Variants in MICOS10 observed in about 807,000 individuals in gnomAD.
The protein encoded by MICOS10 is MICOS complex subunit MIC10.
In MICOS10, 5 loss-of-function variants were observed where a neutral mutation model predicts 13.4. The observed-to-expected ratio is 0.37, with a 90% confidence interval of 0.20 to 0.78. The LOEUF is 0.78. Among genes scored for constraint, MICOS10 ranks in the 30% least tolerant of loss-of-function variants. MICOS10 has a pLI of 0.47. For synonymous variants in MICOS10, 35 were observed against 33.6 expected (o/e 1.04, Z -0.15); for missense variants, 101 against 94.6 (o/e 1.07, Z -0.28).
At chr1:19,605,115 G>A (rs1412478178) in intron 1 of MICOS10, among the ~76,000 whole-genome samples, 1 of 152,170 alleles carries the variant, frequency 6.6e-6, no homozygotes, top group African/African-American at 2.4e-5. Flanking sequence ...TGCAAGGGTA[G>A]GAAGGTGAAC....
chr1:19,615,008 A>T (rs763822185), intron 1 of MICOS10, among the ~76,000 whole-genome samples: 2 of 152,108 alleles, frequency 1.3e-5, no homozygotes, highest in Non-Finnish European at 2.9e-5. Context: ...CTCAGGTGCC[A>T]CCTTCTTGAA....
At chr1:19,599,868 C>A (rs1366301683) in intron 1 of MICOS10, among the ~76,000 whole-genome samples, 1 of 152,076 alleles carries the variant, frequency 6.6e-6, no homozygotes, top group Non-Finnish European at 1.5e-5. Context: ...TGCCTGTTGA[C>A]TTTTTCACAT....
intron 1 of MICOS10, 51 bp downstream of exon 1, chr1:19,597,160 C>G: frequency 6.4e-7 from 1 of 1,551,468 alleles, no homozygotes; most frequent in Non-Finnish European, 8.8e-7. Context: ...GCTGCTGGCT[C>G]CAGGCTGCGC....
intron 1 of MICOS10, among the ~76,000 whole-genome samples, chr1:19,607,301 A>G (rs1015980341): frequency 6.6e-6 from 1 of 152,250 alleles, no homozygotes; most frequent in South Asian, 2.1e-4. Flanking sequence ...ATTAGGCGCT[A>G]TGTGGAACTT....
At chr1:19,601,988 T>A (rs1253239999) in intron 1 of MICOS10, among the ~76,000 whole-genome samples, 1 of 152,260 alleles carries the variant, frequency 6.6e-6, no homozygotes, top group East Asian at 1.9e-4. Context: ...TCTTTTTTCC[T>A]TAGTAACCCT....
At chr1:19,597,423 C>T (rs2094796547) in intron 1 of MICOS10, among the ~76,000 whole-genome samples, 1 of 152,040 alleles carries the variant, frequency 6.6e-6, no homozygotes, top group Non-Finnish European at 1.5e-5. Context: ...ACCCTCGTGC[C>T]GGAGCCGCGG....
intron 1 of MICOS10, chr1:19,608,248 G>A (rs879103401): frequency 4.2e-6 from 6 of 1,411,852 alleles, no homozygotes; most frequent in African/African-American, 2.8e-5. Context: ...TCCATGTCAC[G>A]GATCTTTCTG....
At chr1:19,609,333 A>C (rs995334149) in intron 1 of MICOS10, among the ~76,000 whole-genome samples, 36 of 152,190 alleles carry the variant, frequency 2.4e-4, no homozygotes, top group African/African-American at 8.4e-4. Flanking sequence ...AATTTTTAAA[A>C]ACTGCCAATA....
chr1:19,610,734 A>G (rs1181879186), intron 1 of MICOS10, among the ~76,000 whole-genome samples: 1 of 152,150 alleles, frequency 6.6e-6, no homozygotes, highest in African/African-American at 2.4e-5. Flanking sequence ...AATGTTTACA[A>G]GTTAGAACAA....
chr1:19,604,433 C>G (rs1179878696), intron 1 of MICOS10, among the ~76,000 whole-genome samples: 2 of 152,054 alleles, frequency 1.3e-5, no homozygotes, highest in African/African-American at 4.8e-5. Context: ...CGCTGGAACC[C>G]GGGAGTAGCA....
At chr1:19,616,290 A>T (rs2094884284) in intron 1 of MICOS10, among the ~76,000 whole-genome samples, 2 of 152,204 alleles carry the variant, frequency 1.3e-5, no homozygotes, top group South Asian at 2.1e-4. Context: ...TATAAATAGG[A>T]TATAATGAAT....
chr1:19,608,276 C>T (rs980819544), intron 1 of MICOS10: 8 of 1,352,704 alleles, frequency 5.9e-6, no homozygotes, highest in East Asian at 4.6e-5. Flanking sequence ...AACCATCTGC[C>T]GTGTGACTGG....
chr1:19,609,876 G>T (rs981134716), intron 1 of MICOS10, among the ~76,000 whole-genome samples: 4 of 152,190 alleles, frequency 2.6e-5, no homozygotes, highest in Non-Finnish European at 5.9e-5. Flanking sequence ...TGGGCACGGT[G>T]GCTCATGCCT....
chr1:19,601,219 A>G, intron 1 of MICOS10: 1 of 349,936 alleles, frequency 2.9e-6, no homozygotes, highest in South Asian at 2.2e-5. Context: ...AAATTATCAT[A>G]TGATTTTGTC....
chr1:19,606,437 T>G (rs1016000176), intron 1 of MICOS10, among the ~76,000 whole-genome samples: 21 of 152,216 alleles, frequency 1.4e-4, no homozygotes, highest in African/African-American at 4.6e-4. Context: ...CGGCCTTGCT[T>G]CTTCCTTGTT....
intron 1 of MICOS10, chr1:19,608,150 C>G (rs2094842611): frequency 3.3e-6 from 4 of 1,214,028 alleles, no homozygotes; most frequent in Non-Finnish European, 4.9e-6. Flanking sequence ...GAAGGAAGAA[C>G]AGGTCATCAA....
chr1:19,623,384 T>C, intron 2 of MICOS10, 90 bp from the exon 3 acceptor site: 1 of 763,678 alleles, frequency 1.3e-6, no homozygotes, highest in Admixed American at 2.2e-5. Context: ...GAATATTTAT[T>C]GAACCCTAAG....
chr1:19,615,170 A>G lies in MICOS10; in HGVS notation c.65-6930A>G, dbSNP rs573359489. Among the ~76,000 whole-genome samples the G allele has an allele frequency of 2.0e-5, 3 of 152,276 alleles. No homozygotes were observed. The East Asian group carries it at 5.8e-4, about 29-fold the overall frequency. ...CTGACTTCTTACCCTTCTTGATCAC[A>G]AGCTCCCCAGGGAAGAGACTGTCTT... is the stretch of plus-strand genomic sequence containing the variant. On this transcript the variant is annotated intron_variant, in intron 1 of 3. Transcript: ENST00000322753.
chr1:19,616,035 C>T (rs2094883181), intron 1 of MICOS10, among the ~76,000 whole-genome samples: 1 of 152,050 alleles, frequency 6.6e-6, no homozygotes, highest in African/African-American at 2.4e-5. Flanking sequence ...TCTCCTGCCT[C>T]AGCCTCCCGA....
Sources: gnomAD v4.1 joint callset for allele counts (sites outside exome capture counted in the v4.1 genomes callset) on GRCh38, gnomAD v4.1.1 for gene constraint, MANE v1.5 for transcripts, NCBI Gene and HGNC (gene_info 2026-07-23, HGNC 2026-07-21) for gene names.